The following ERICH1 variants were observed in gnomAD, a reference collection of about 807,000 sequenced individuals.
ERICH1 encodes glutamate rich 1.
Under a neutral mutation model 39.6 loss-of-function variants are expected in ERICH1, and 56 were observed. The observed-to-expected ratio is 1.41, with a 90% CI of 1.14 to 1.77. The LOEUF (loss-of-function observed/expected upper bound fraction) is 1.77, where lower values mean the gene tolerates loss of function less well. ERICH1 is among the 40% of genes most tolerant of loss of function. ERICH1 has a pLI of 0.00. For missense variants in ERICH1, 826 were observed against 575.4 expected (o/e 1.44, Z -4.45); for synonymous variants, 313 against 223.6 (o/e 1.40, Z -3.57).
chr8:638,359 C>T (rs115074414), intron 3 of ERICH1, among the ~76,000 whole-genome samples: 1,528 of 152,326 alleles, frequency 0.01, 23 homozygotes, highest in African/African-American at 0.033. Context: ...TCAGCCAGCA[C>T]GGGCCATGTT....
intron 2 of ERICH1, among the ~76,000 whole-genome samples, chr8:693,231 G>A (rs1168518523): frequency 6.6e-6 from 1 of 151,716 alleles, no homozygotes; most frequent in South Asian, 2.1e-4. Flanking sequence ...GAGACACACA[G>A]AGAGATACAC....
At chr8:695,139 C>T (rs536325044) in intron 2 of ERICH1, among the ~76,000 whole-genome samples, 37 of 152,192 alleles carry the variant, frequency 2.4e-4, no homozygotes, top group Non-Finnish European at 3.8e-4. Context: ...TCAGGTTCCC[C>T]TCAGCTCCTC....
At chr8:658,156 G>A (rs746921051) in intron 3 of ERICH1, among the ~76,000 whole-genome samples, 4 of 152,160 alleles carry the variant, frequency 2.6e-5, no homozygotes, top group African/African-American at 7.2e-5. Flanking sequence ...CCAGGGCTTC[G>A]GCTGCAGCTG....
chr8:719,255 A>G (rs1242859323), intron 1 of ERICH1, among the ~76,000 whole-genome samples: 2 of 152,112 alleles, frequency 1.3e-5, no homozygotes, highest in Non-Finnish European at 2.9e-5. Flanking sequence ...GCGGGCTCCC[A>G]CATCGACCAG....
chr8:634,536 C>T (rs1166598428), intron 3 of ERICH1, among the ~76,000 whole-genome samples: 3 of 152,214 alleles, frequency 2.0e-5, no homozygotes, highest in Non-Finnish European at 4.4e-5. Context: ...GCGGCCCCGT[C>T]GGGCGGGCAC....
intron 3 of ERICH1, among the ~76,000 whole-genome samples, chr8:657,380 A>G (rs1669658): frequency 0.92 from 139,417 of 151,778 alleles, 64,182 homozygotes; most frequent in African/African-American, 0.96. Context: ...TCTGGTCGGA[A>G]GGGAGGTTAT....
chr8:703,934 AC>A (rs1812715888), intron 2 of ERICH1, among the ~76,000 whole-genome samples: 1 of 152,184 alleles, frequency 6.6e-6, no homozygotes, highest in South Asian at 2.1e-4. Context: ...ATGAAAACAG[AC>A]CATGCTCAAG....
intron 3 of ERICH1, among the ~76,000 whole-genome samples, chr8:652,794 C>T (rs1236735136): frequency 6.6e-6 from 1 of 152,050 alleles, no homozygotes; most frequent in Admixed American, 6.6e-5. Context: ...GGCACGGGAC[C>T]GGAATGGAAA....
chr8:658,578 C>A (rs186731837), intron 3 of ERICH1, among the ~76,000 whole-genome samples: 1 of 152,316 alleles, frequency 6.6e-6, no homozygotes, highest in Admixed American at 6.5e-5. Context: ...GGCCCACGTC[C>A]ATGTTGATCC....
intron 1 of ERICH1, among the ~76,000 whole-genome samples, chr8:718,615 G>GTT (rs1249793496): frequency 6.6e-6 from 1 of 152,216 alleles, no homozygotes; most frequent in African/African-American, 2.4e-5. Context: ...GCTGACAGGG[G>GTT]TTTCTCAGGG....
At chr8:689,321 G>C (rs1467384787) in intron 3 of ERICH1, among the ~76,000 whole-genome samples, 1 of 152,218 alleles carries the variant, frequency 6.6e-6, no homozygotes, top group African/African-American at 2.4e-5. Flanking sequence ...ATGTTGGCCA[G>C]GCTGTTCTCA....
chr8:686,551 A>G (rs1209973813), intron 3 of ERICH1: 1 of 152,266 alleles, frequency 6.6e-6, no homozygotes, highest in Non-Finnish European at 1.5e-5. Context: ...TTAATCAAAC[A>G]GCCAATGCTA....
intron 2 of ERICH1, among the ~76,000 whole-genome samples, chr8:714,746 C>G (rs1357834375): frequency 1.4e-5 from 2 of 140,244 alleles, no homozygotes; most frequent in Non-Finnish European, 3.1e-5. Flanking sequence ...CTTCCGGCAT[C>G]TCTCGGTGGG....
At chr8:724,293 T>C (rs536300717) in intron 1 of ERICH1, among the ~76,000 whole-genome samples, 59 of 152,232 alleles carry the variant, frequency 3.9e-4, no homozygotes, top group African/African-American at 1.3e-3. Context: ...CCGGACAACA[T>C]AGTGAGATCC....
intron 1 of ERICH1, among the ~76,000 whole-genome samples, chr8:730,558 T>C (rs1819749748): frequency 6.6e-6 from 1 of 152,234 alleles, no homozygotes; most frequent in African/African-American, 2.4e-5. Context: ...ACACTTCCGT[T>C]CTAAGGCACG....
chr8:643,236 G>A (rs937686402), intron 3 of ERICH1, among the ~76,000 whole-genome samples: 3 of 152,240 alleles, frequency 2.0e-5, no homozygotes, highest in Admixed American at 1.3e-4. Context: ...TCTGGCATGA[G>A]ACGATGACCT....
At chr8:710,170 G>A (rs925626898) in intron 2 of ERICH1, among the ~76,000 whole-genome samples, 4 of 152,140 alleles carry the variant, frequency 2.6e-5, no homozygotes, top group Non-Finnish European at 5.9e-5. Flanking sequence ...GTTCACTCTC[G>A]TACATCCTGT....
chr8:719,552 C>T (rs1180855740), intron 1 of ERICH1, among the ~76,000 whole-genome samples: 1 of 152,178 alleles, frequency 6.6e-6, no homozygotes, highest in South Asian at 2.1e-4. Context: ...CCTTCATAAC[C>T]AACAAACACT....
In ERICH1 at chr8:632,882, G is replaced by A. The variant is rs559779779; in HGVS notation, c.977-17598C>T. Among the ~76,000 whole-genome samples the A allele has an allele frequency of 1.9e-3, 288 of 152,320 alleles. 3 individuals carry two copies. The highest frequency in any genetic ancestry group is 6.4e-3 in the African/African-American group (265 of 41,570). On this transcript the variant is annotated intron_variant, in intron 3 of 3. Coordinates refer to the ERICH1 transcript ENST00000522706. ...ATCTGTGGGTGGAGACCACGGATGCGGCTCAACACCCCACAGTGCACAAGA... is the reference window on the plus strand; with the variant it reads ...ATCTGTGGGTGGAGACCACGGATGCAGCTCAACACCCCACAGTGCACAAGA...
Sources: allele counts gnomAD v4.1 joint callset (sites outside exome capture counted in the v4.1 genomes callset), GRCh38; gene constraint gnomAD v4.1.1; transcripts MANE v1.5; gene names NCBI Gene and HGNC (gene_info 2026-07-23, HGNC 2026-07-21).